The following DLG2 variants were observed in gnomAD, a reference collection of about 807,000 sequenced individuals.
DLG2 encodes disks large homolog 2.
Under a neutral mutation model 132.5 loss-of-function variants are expected in DLG2, and 45 were observed. The ratio of observed to expected loss-of-function variants is 0.34; its 90% CI spans 0.27 to 0.44. The LOEUF (loss-of-function observed/expected upper bound fraction) is 0.44, where lower values mean the gene tolerates loss of function less well. Ranked by LOEUF, DLG2 falls within the 20% of genes least tolerant of loss-of-function variation. The pLI is 1.00. For synonymous variants in DLG2, 424 were observed against 419.6 expected, an observed-to-expected ratio of 1.01 and a Z score of -0.13; for missense variants, 1,045 against 1,196.9, an observed-to-expected ratio of 0.87 and a Z score of 1.87.
intron 20 of DLG2, among the ~76,000 whole-genome samples, chr11:83,537,946 G>C (rs2095939346): frequency 6.6e-6 from 1 of 151,806 alleles, no homozygotes; most frequent in Admixed American, 6.6e-5. Flanking sequence ...ACACAAGCCT[G>C]GGTTTGAATT....
intron 4 of DLG2, among the ~76,000 whole-genome samples, chr11:85,168,747 A>G (rs559639735): frequency 2.6e-5 from 4 of 152,106 alleles, no homozygotes; most frequent in Non-Finnish European, 5.9e-5. Flanking sequence ...AATATCATGT[A>G]CCTTTCACAT....
At chr11:85,280,617 A>G (rs2078164540) in intron 4 of DLG2, among the ~76,000 whole-genome samples, 2 of 152,032 alleles carry the variant, frequency 1.3e-5, no homozygotes, top group Non-Finnish European at 2.9e-5. Context: ...CATATACTTA[A>G]AGCAGAAGTG....
rs79711897 is a variant in DLG2 at position 83,936,454 on chromosome 11, T to C, written c.1341-5971A>G. Among the ~76,000 whole-genome samples, 168 of 152,282 alleles carry C rather than the reference T, an allele frequency of 1.1e-3. 9 individuals are homozygous for C. The South Asian group carries it at 0.033, about 30-fold the overall frequency. ...TCCCGTATGGTTCACAGCTGTGGTA[T>C]CACATCAGATTGTTGGGTCATAAGT... On this transcript the variant is annotated intron_variant, in intron 14 of 27. Transcript: ENST00000376104.
intron 3 of DLG2, among the ~76,000 whole-genome samples, chr11:85,566,472 C>A (rs1441833247): frequency 2.6e-5 from 4 of 152,058 alleles, no homozygotes; most frequent in Non-Finnish European, 5.9e-5. Context: ...GTGGCTTAAA[C>A]AACAAACATT....
chr11:85,197,425 A>G (rs1023367989), intron 4 of DLG2, among the ~76,000 whole-genome samples: 1 of 152,208 alleles, frequency 6.6e-6, no homozygotes, highest in African/African-American at 2.4e-5. Context: ...TCACTTGACC[A>G]TGGGCTTCTA....
rs1555110325 is a variant in DLG2 at position 84,626,881 on chromosome 11, T to TTTATTTTA, written c.358-92151_358-92150insTAAAATAA. On this transcript the variant is annotated intron_variant, in intron 6 of 27. Transcript: ENST00000376104. Reference sequence around the variant, plus strand: ...TTTATTTTATTTTATTTTATTTTATTTTATTTTTGAGATGGAGTCTCACTC... The same window carrying TTTATTTTA: ...TTTATTTTATTTTATTTTATTTTATTTTATTTTATTATTTTTGAGATGGAGTCTCACTC... Among the ~76,000 whole-genome samples the TTTATTTTA allele has an allele frequency of 3.3e-3, 482 of 147,636 alleles. 9 individuals are homozygous for TTTATTTTA. The highest frequency in any genetic ancestry group is 7.7e-3 in the South Asian group (36 of 4,672).
At chr11:84,514,318 C>T (rs200013258) in intron 7 of DLG2, among the ~76,000 whole-genome samples, 3 of 151,916 alleles carry the variant, frequency 2.0e-5, no homozygotes, top group East Asian at 3.9e-4. Flanking sequence ...AGCTACCACA[C>T]GATCTAGCAA....
At chr11:84,449,847 C>G (rs187861071) in intron 7 of DLG2, among the ~76,000 whole-genome samples, 19 of 151,632 alleles carry the variant, frequency 1.3e-4, no homozygotes, top group Non-Finnish European at 2.7e-4. Flanking sequence ...AAATAAAATA[C>G]TAATCACATT....
chr11:85,459,190 T>C (rs2092521802), intron 3 of DLG2, among the ~76,000 whole-genome samples: 1 of 152,192 alleles, frequency 6.6e-6, no homozygotes, highest in Non-Finnish European at 1.5e-5. Context: ...TCACTACCAC[T>C]GCAGTGGCAG....
rs182180273 is a variant in DLG2, at chr11:84,805,417, A to G, written c.358-270686T>C. Among the ~76,000 whole-genome samples, 138 of 152,192 alleles carry G rather than the reference A, an allele frequency of 9.1e-4. 2 individuals carry two copies. Among genetic ancestry groups the G allele is most frequent in the African/African-American group, 3.2e-3 (133 of 41,456 alleles). On this transcript the variant is annotated intron_variant, in intron 6 of 27. Transcript: ENST00000376104. ...AAAAATAGAGAATCAATAAATGCTGATATCGTTTAGATCTGCGTCTCCACC... is the reference window on the plus strand; with the variant it reads ...AAAAATAGAGAATCAATAAATGCTGGTATCGTTTAGATCTGCGTCTCCACC...
chr11:85,106,568 T>C (rs1276106531), intron 6 of DLG2, among the ~76,000 whole-genome samples: 2 of 151,972 alleles, frequency 1.3e-5, no homozygotes, highest in African/African-American at 4.8e-5. Flanking sequence ...TCCCATGCAC[T>C]CCCTTCTGGA....
At chr11:84,263,268 T>C (rs1232324105) in intron 7 of DLG2, among the ~76,000 whole-genome samples, 1 of 151,986 alleles carries the variant, frequency 6.6e-6, no homozygotes, top group Non-Finnish European at 1.5e-5. Flanking sequence ...TTCTGGGAAA[T>C]GATCTCTGTT....
chr11:83,645,384 G>A (rs921317474), intron 18 of DLG2, among the ~76,000 whole-genome samples: 3 of 152,090 alleles, frequency 2.0e-5, no homozygotes, highest in Non-Finnish European at 4.4e-5. Flanking sequence ...AACAATTGAA[G>A]CAATTTATAC....
At chr11:83,874,917 T>C (rs2064379795) in intron 15 of DLG2, among the ~76,000 whole-genome samples, 1 of 152,150 alleles carries the variant, frequency 6.6e-6, no homozygotes, top group African/African-American at 2.4e-5. Flanking sequence ...TGAACAAACA[T>C]ATTTGGAAAA....
chr11:84,155,513 G>A (rs1457853716), intron 9 of DLG2, among the ~76,000 whole-genome samples: 1 of 151,336 alleles, frequency 6.6e-6, no homozygotes, highest in African/African-American at 2.4e-5. Context: ...AGTGCTGGCT[G>A]CAAATTCCAA....
chr11:85,034,457 T>C (rs968575871), intron 6 of DLG2, among the ~76,000 whole-genome samples: 1 of 152,148 alleles, frequency 6.6e-6, no homozygotes, highest in African/African-American at 2.4e-5. Flanking sequence ...TATGTCAGCA[T>C]AGAGCCTGAC....
At chr11:83,796,086 G>T (rs1303215203) in intron 17 of DLG2, among the ~76,000 whole-genome samples, 1 of 152,194 alleles carries the variant, frequency 6.6e-6, no homozygotes. Context: ...TGGAACTTGT[G>T]TTCCTGGCAT....
intron 6 of DLG2, among the ~76,000 whole-genome samples, chr11:85,103,760 C>T (rs533944666): frequency 5.5e-4 from 83 of 151,808 alleles, no homozygotes; most frequent in South Asian, 3.3e-3. Flanking sequence ...GCTTCAAATG[C>T]CATTACCAAA....
chr11:84,762,544 T>C (rs1565897511), intron 6 of DLG2, among the ~76,000 whole-genome samples: 1 of 152,118 alleles, frequency 6.6e-6, no homozygotes, highest in East Asian at 1.9e-4. Flanking sequence ...GTTAATATAG[T>C]TTTTTGCTTT....
Sources: gnomAD v4.1 joint callset for allele counts (sites outside exome capture counted in the v4.1 genomes callset) on GRCh38, gnomAD v4.1.1 for gene constraint, MANE v1.5 for transcripts, NCBI Gene and HGNC (gene_info 2026-07-23, HGNC 2026-07-21) for gene names.